Variants in SYN2 observed in about 807,000 individuals in gnomAD.
SYN2 encodes the protein synapsin-2.
SYN2 carries 19 observed loss-of-function variants against 50.9 expected under a neutral mutation model. The observed-to-expected ratio is 0.37, with a 90% CI of 0.26 to 0.55. The LOEUF (loss-of-function observed/expected upper bound fraction) is 0.55. SYN2 is among the 20% of genes least tolerant of loss of function. The pLI, the probability that SYN2 is intolerant of heterozygous loss-of-function variation, is 0.81. For synonymous variants in SYN2, 255 were observed against 224.9 expected, an observed-to-expected ratio of 1.13 and a Z score of -1.20; for missense variants, 587 against 576.4, an observed-to-expected ratio of 1.02 and a Z score of -0.19.
intron 10 of SYN2, among the ~76,000 whole-genome samples, chr3:12,181,035 G>T (rs1327553194): frequency 6.6e-6 from 1 of 152,180 alleles, no homozygotes; most frequent in Non-Finnish European, 1.5e-5. Context: ...TCTTTGTCAG[G>T]TCATTCACTA....
chr3:12,024,100 G>A (rs1476285070), intron 1 of SYN2, among the ~76,000 whole-genome samples: 1 of 150,080 alleles, frequency 6.7e-6, no homozygotes, highest in African/African-American at 2.5e-5. Context: ...GATGAGATAT[G>A]CATGCAACAT....
At chr3:12,019,300 C>T (rs2125134641) in intron 1 of SYN2, among the ~76,000 whole-genome samples, 1 of 152,244 alleles carries the variant, frequency 6.6e-6, no homozygotes, top group Admixed American at 6.5e-5. Flanking sequence ...TTTCCTAGCC[C>T]TTAGTATTCA....
chr3:12,175,711 T>C (rs1448851677), intron 10 of SYN2, among the ~76,000 whole-genome samples: 1 of 152,226 alleles, frequency 6.6e-6, no homozygotes, highest in Non-Finnish European at 1.5e-5. Flanking sequence ...GAGCTGGGGC[T>C]TGGGGTGAGG....
intron 1 of SYN2, among the ~76,000 whole-genome samples, chr3:12,125,349 A>G (rs1464774792): frequency 5.9e-5 from 9 of 152,212 alleles, no homozygotes; most frequent in Non-Finnish European, 1.3e-4. Flanking sequence ...GCATAATATA[A>G]AGTGACGGAA....
At chr3:12,138,969 G>A (rs985259139) in intron 1 of SYN2, among the ~76,000 whole-genome samples, 2 of 152,196 alleles carry the variant, frequency 1.3e-5, no homozygotes, top group Non-Finnish European at 2.9e-5. Flanking sequence ...AAATAAAATG[G>A]AATAGTAGCC....
chr3:12,071,409 A>G, intron 1 of SYN2: 1 of 539,102 alleles, frequency 1.9e-6, no homozygotes. Flanking sequence ...GGGTTAATTC[A>G]GAAGTATAAA....
At chr3:12,014,735 A>G (rs1324693483) in intron 1 of SYN2, among the ~76,000 whole-genome samples, 2 of 152,056 alleles carry the variant, frequency 1.3e-5, no homozygotes, top group East Asian at 3.9e-4. Context: ...CCTTTGGGCT[A>G]TTGCTTTGTC....
chr3:12,160,947 C>T (rs983698989), intron 5 of SYN2, among the ~76,000 whole-genome samples: 17 of 152,192 alleles, frequency 1.1e-4, no homozygotes, highest in African/African-American at 3.9e-4. Flanking sequence ...ATTCTTCTAC[C>T]GGCTCTCTTT....
At chr3:12,021,332 G>T (rs1362231197) in intron 1 of SYN2, among the ~76,000 whole-genome samples, 1 of 152,116 alleles carries the variant, frequency 6.6e-6, no homozygotes. Flanking sequence ...TATTATATTT[G>T]CAGTCTATCA....
intron 5 of SYN2, among the ~76,000 whole-genome samples, chr3:12,158,159 C>A (rs950150050): frequency 8.5e-5 from 13 of 152,232 alleles, no homozygotes; most frequent in African/African-American, 2.2e-4. Flanking sequence ...ACCAAGGAGC[C>A]CGGGAGCCTG....
chr3:12,040,445 T>G (rs1042999997), intron 1 of SYN2, among the ~76,000 whole-genome samples: 2 of 149,548 alleles, frequency 1.3e-5, no homozygotes, highest in African/African-American at 4.9e-5. Flanking sequence ...TTTTTTTTTT[T>G]TTTTTGAGAC....
chr3:12,071,961 GT>G (rs1034214804), intron 1 of SYN2, among the ~76,000 whole-genome samples: 1 of 151,978 alleles, frequency 6.6e-6, no homozygotes, highest in Non-Finnish European at 1.5e-5. Flanking sequence ...TTTATGTAAG[GT>G]TTTTTTGTAT....
chr3:12,143,522 T>C (rs1001965898), intron 3 of SYN2, among the ~76,000 whole-genome samples: 3 of 152,178 alleles, frequency 2.0e-5, no homozygotes, highest in Non-Finnish European at 4.4e-5. Flanking sequence ...CTCCCACTTA[T>C]AAGTGACAAA....
intron 5 of SYN2, chr3:12,154,268 A>T (rs1019530890): frequency 6.8e-6 from 11 of 1,609,518 alleles, no homozygotes; most frequent in African/African-American, 6.7e-5. Flanking sequence ...TCATGCATGA[A>T]TGAAGGCTCA....
At chr3:12,189,734 G>A (rs7619280) in intron 12 of SYN2, among the ~76,000 whole-genome samples, 12,178 of 152,120 alleles carry the variant, frequency 0.08, 859 homozygotes, top group East Asian at 0.19. Flanking sequence ...ACCGGGAGGC[G>A]GAGGTTGCAG....
At chr3:12,089,155 T>C (rs927410324) in intron 1 of SYN2, among the ~76,000 whole-genome samples, 2 of 152,218 alleles carry the variant, frequency 1.3e-5, no homozygotes, top group African/African-American at 4.8e-5. Flanking sequence ...TCTGTTCTTA[T>C]GTTGCTAATA....
intron 1 of SYN2, among the ~76,000 whole-genome samples, chr3:12,139,296 A>G (rs1574961653): frequency 1.3e-5 from 2 of 152,210 alleles, no homozygotes; most frequent in African/African-American, 4.8e-5. Context: ...TAGTGGGACT[A>G]ATGCTCACAT....
chr3:12,106,653 G>A (rs569062163), intron 1 of SYN2, among the ~76,000 whole-genome samples: 50 of 152,240 alleles, frequency 3.3e-4, no homozygotes, highest in African/African-American at 1.1e-3. Context: ...CTCTAGCATA[G>A]TATATCATTG....
chr3:12,189,293 G>A (rs567181694), intron 12 of SYN2, among the ~76,000 whole-genome samples: 2 of 152,182 alleles, frequency 1.3e-5, no homozygotes, highest in Non-Finnish European at 2.9e-5. Context: ...CCTCCCCATG[G>A]CCTTGTGCTT....
Sources: allele counts gnomAD v4.1 joint callset (sites outside exome capture counted in the v4.1 genomes callset), GRCh38; gene constraint gnomAD v4.1.1; transcripts MANE v1.5; gene names NCBI Gene and HGNC (gene_info 2026-07-23, HGNC 2026-07-21).